Variants in NUMB observed in about 807,000 individuals in gnomAD.
NUMB encodes NUMB endocytic adaptor protein.
A neutral mutation model predicts 59.7 loss-of-function variants in NUMB; 29 were observed. That is an observed-to-expected ratio of 0.49 (90% CI 0.36 to 0.66). NUMB has a LOEUF of 0.66. Ranked by LOEUF, NUMB falls within the 30% of genes least tolerant of loss-of-function variation. The pLI is 0.00. For synonymous variants in NUMB, 288 were observed against 288.2 expected (o/e 1.00, Z 0.01); for missense variants, 723 against 822.0 (o/e 0.88, Z 1.47).
At chr14:73,439,127 C>T (rs989977766) in intron 1 of NUMB, among the ~76,000 whole-genome samples, 2 of 152,106 alleles carry the variant, frequency 1.3e-5, no homozygotes, top group Non-Finnish European at 2.9e-5. Flanking sequence ...TGATTTTCCA[C>T]AGAACTGAGC....
At chr14:73,452,086 G>A (rs1175325760) in intron 1 of NUMB, among the ~76,000 whole-genome samples, 1 of 152,064 alleles carries the variant, frequency 6.6e-6, no homozygotes, top group Admixed American at 6.5e-5. Context: ...CTGGCCAGGC[G>A]TGGTGGCTCA....
intron 4 of NUMB, among the ~76,000 whole-genome samples, chr14:73,349,493 G>A (rs768050567): frequency 6.6e-6 from 1 of 150,502 alleles, no homozygotes; most frequent in Admixed American, 6.6e-5. Flanking sequence ...AGAATCTCTT[G>A]AACCTGGGAC....
intron 2 of NUMB, among the ~76,000 whole-genome samples, chr14:73,383,788 G>A (rs1895365975): frequency 6.6e-6 from 1 of 152,086 alleles, no homozygotes; most frequent in South Asian, 2.1e-4. Context: ...GGCTGAGGTG[G>A]GCAGATCACC....
intron 1 of NUMB, among the ~76,000 whole-genome samples, chr14:73,414,248 AC>A (rs1263400398): frequency 6.6e-6 from 1 of 151,968 alleles, no homozygotes; most frequent in Non-Finnish European, 1.5e-5. Context: ...AAGCCACCAC[AC>A]CCAGCCTTCA....
At chr14:73,340,619 A>G (rs1472210684) in intron 4 of NUMB, among the ~76,000 whole-genome samples, 1 of 152,268 alleles carries the variant, frequency 6.6e-6, no homozygotes. Context: ...AGCAGACTCC[A>G]TAAATATCTG....
At position 73,276,527 on chromosome 14, in the gene NUMB, A is replaced by C; in HGVS notation, c.*51T>G. 1.4e-6 allele frequency: 2 copies of C among 1,448,920 alleles called. No individual in the cohort carries two copies. The highest frequency in any genetic ancestry group is 2.3e-5 in the East Asian group (1 of 43,866). The allele number at this position is 1,448,920 out of a possible 1,614,324, so 89.8% of individuals were successfully genotyped here. A position where few individuals can be genotyped will look rare whatever the true frequency, so the allele number is the denominator to read the frequency against. ...AGTCTGTTTTGCTCCTTTGACCGCT[A>C]CCCCCTGCTCCCTGTCTGGTATGGA... On this transcript the variant is annotated 3_prime_UTR_variant, in exon 13 of 13. Transcript: ENST00000555238.
chr14:73,324,240 C>T (rs1204801532), intron 4 of NUMB, among the ~76,000 whole-genome samples: 2 of 152,168 alleles, frequency 1.3e-5, no homozygotes, highest in African/African-American at 2.4e-5. Flanking sequence ...CATAACAAGG[C>T]AAGCTTTGCT....
chr14:73,355,825 T>G, intron 3 of NUMB, 59 bp from the exon 4 acceptor site: 1 of 1,388,954 alleles, frequency 7.2e-7, no homozygotes, highest in Non-Finnish European at 9.8e-7. Flanking sequence ...ATATTTAAAC[T>G]TTGGATTACC....
Position 73,297,242 on chromosome 14 carries a change from T to C in NUMB, c.278A>G (p.Asp93Gly). Residue 93 changes from aspartate (D) to glycine (G), a missense_variant, in exon 7 of 13, where the codon GAT becomes GGT. Transcript: ENST00000555238. ...AVKAVLWVSA[D>G]GLRVVDEKTK... ...TTTTTCATCCACAACTCTGAGTCCA[T>C]CTGCTGAGACCCACAGAACTGCTTT... 1 of 1,610,966 alleles carries C rather than the reference T, an allele frequency of 6.2e-7. No homozygotes were observed. Among genetic ancestry groups the C allele is most frequent in the Non-Finnish European group, 8.5e-7 (1 of 1,177,444 alleles).
rs1229570989 is a variant in NUMB, at chr14:73,279,297, A to C, written c.1224T>G (p.Ile408Met). Residue 408 changes from isoleucine (I) to methionine (M), a missense_variant, in exon 12 of 13, where the codon ATT (isoleucine) becomes ATG (methionine). This residue lies in a region of NUMB where 406 missense variants were observed against 385.4 expected (regional missense o/e 1.05). Coordinates refer to ENST00000555238, the MANE Select transcript of NUMB (RefSeq NM_001005743.2). Reference sequence around the variant, plus strand: ...CCACCTTACCCGAACATGTGGCTGCAATTTCCTTGTTAGCAGCATCAGGGG... The same window carrying C: ...CCACCTTACCCGAACATGTGGCTGCCATTTCCTTGTTAGCAGCATCAGGGG... The part of the protein sequence containing the change: ...AHAPDAANKE[I>M]AATCSGTEWG... 6.2e-7 allele frequency: 1 copy of C among 1,614,160 alleles called. No individual in the cohort carries two copies. The highest frequency in any genetic ancestry group is 2.2e-5 in the East Asian group (1 of 44,882).
intron 8 of NUMB, among the ~76,000 whole-genome samples, chr14:73,287,540 G>A (rs1889100161): frequency 6.6e-6 from 1 of 151,724 alleles, no homozygotes; most frequent in South Asian, 2.1e-4. Flanking sequence ...ACCACACCTG[G>A]CTAATTTTTG....
chr14:73,400,988 G>A (rs1464082528), intron 2 of NUMB, among the ~76,000 whole-genome samples: 1 of 152,188 alleles, frequency 6.6e-6, no homozygotes, highest in African/African-American at 2.4e-5. Flanking sequence ...GGGAGCTGTG[G>A]TAACCCCAAT....
At chr14:73,453,686 C>T (rs1271898373) in intron 1 of NUMB, among the ~76,000 whole-genome samples, 1 of 149,504 alleles carries the variant, frequency 6.7e-6, no homozygotes, top group African/African-American at 2.5e-5. Flanking sequence ...CAGCTCACTG[C>T]AACCTCCGCC....
At chr14:73,443,147 T>C (rs950490618) in intron 1 of NUMB, among the ~76,000 whole-genome samples, 10 of 152,152 alleles carry the variant, frequency 6.6e-5, no homozygotes, top group Admixed American at 6.5e-4. Flanking sequence ...GAATACTGGT[T>C]TGAGCCACTG....
At chr14:73,412,955 C>T (rs1896960708) in intron 1 of NUMB, among the ~76,000 whole-genome samples, 2 of 151,918 alleles carry the variant, frequency 1.3e-5, no homozygotes, top group Admixed American at 1.3e-4. Context: ...AAAACTGAGG[C>T]ACAAATAACT....
At chr14:73,383,845 G>C (rs1895368011) in intron 2 of NUMB, among the ~76,000 whole-genome samples, 1 of 151,876 alleles carries the variant, frequency 6.6e-6, no homozygotes, top group African/African-American at 2.4e-5. Flanking sequence ...GTAAAACCCT[G>C]TCTCTACAAA....
intron 2 of NUMB, among the ~76,000 whole-genome samples, chr14:73,385,074 C>T (rs915738717): frequency 1.3e-5 from 2 of 151,598 alleles, no homozygotes; most frequent in African/African-American, 4.8e-5. Flanking sequence ...CTTTCTGAAA[C>T]GAAAATGTTC....
At chr14:73,427,383 T>G (rs1239261925) in intron 1 of NUMB, among the ~76,000 whole-genome samples, 1 of 151,964 alleles carries the variant, frequency 6.6e-6, no homozygotes, top group Non-Finnish European at 1.5e-5. Flanking sequence ...AAGAATCGCT[T>G]GAACCTCGGA....
chr14:73,315,330 T>TATCTAA (rs1297227248), intron 6 of NUMB, among the ~76,000 whole-genome samples: 1 of 152,184 alleles, frequency 6.6e-6, no homozygotes, highest in African/African-American at 2.4e-5. Flanking sequence ...CTAATGACAG[T>TATCTAA]ATTTTTCTCT....
Sources: gnomAD v4.1 joint callset for allele counts (sites outside exome capture counted in the v4.1 genomes callset) on GRCh38, gnomAD v4.1.1 for gene constraint, gnomAD v4.1.1 regional missense constraint, MANE v1.5 for transcripts, NCBI Gene and HGNC (gene_info 2026-07-23, HGNC 2026-07-21) for gene names.